Variants in RBM25 observed in about 807,000 individuals in gnomAD.
RBM25 encodes RNA-binding protein 25.
RBM25 carries 19 observed loss-of-function variants against 120.7 expected under a neutral mutation model. The observed-to-expected ratio is 0.16, with a 90% CI of 0.11 to 0.23. The LOEUF (loss-of-function observed/expected upper bound fraction) is 0.23, where lower values mean the gene tolerates loss of function less well. Among genes scored for constraint, RBM25 ranks in the 10% least tolerant of loss-of-function variants. The pLI is 1.00. For synonymous variants in RBM25, 390 were observed against 326.7 expected (o/e 1.19, Z -2.09); for missense variants, 605 against 1,041.5 (o/e 0.58, Z 5.77).
At chr14:73,114,994 CT>C (rs1896394563) in intron 18 of RBM25, among the ~76,000 whole-genome samples, 1 of 152,158 alleles carries the variant, frequency 6.6e-6, no homozygotes, top group African/African-American at 2.4e-5. Context: ...AACAAATGAC[CT>C]GTAGTAGCAG....
Position 73,111,017 on chromosome 14 carries a change from T to A in RBM25, c.1879T>A (p.Ser627Thr). Residue 627 changes from serine to threonine, a missense_variant, in exon 15 of 19, where the codon TCC (serine) becomes ACC (threonine). By Grantham distance (58) the Ser-to-Thr change is moderately conservative. Coordinates refer to ENST00000261973, the MANE Select transcript of RBM25 (RefSeq NM_021239.3). ...GCCCATCAGCTCTGCTCCATCTGTT[T>A]CCTCTGCCAGTGGCAATGCAACACC... ...LRPISSAPSV[S>T]SASGNATPNT... The A allele has an allele frequency of 6.2e-7, 1 of 1,614,176 alleles. No homozygotes were observed.
intron 18 of RBM25, 43 bp downstream of exon 18, chr14:73,114,376 A>G (rs1165971512): frequency 6.1e-6 from 9 of 1,469,434 alleles, no homozygotes; most frequent in South Asian, 2.6e-5. Context: ...TAATTTAAAA[A>G]AAGTTTTTGG....
intron 10 of RBM25, 45 bp from the exon 11 acceptor site, chr14:73,105,814 C>T: frequency 1.3e-6 from 2 of 1,584,096 alleles, no homozygotes; most frequent in Non-Finnish European, 1.7e-6. Context: ...GTCTTGAAAA[C>T]AGAAAGTAGA....
At chr14:73,104,821 T>TA (rs1896145735) in intron 10 of RBM25, among the ~76,000 whole-genome samples, 1 of 152,176 alleles carries the variant, frequency 6.6e-6, no homozygotes, top group Admixed American at 6.5e-5. Context: ...TGCAGTTTCT[T>TA]ACTTGATTAT....
chr14:73,075,944 C>T (rs2140430743), intron 2 of RBM25, among the ~76,000 whole-genome samples: 1 of 152,154 alleles, frequency 6.6e-6, no homozygotes, highest in East Asian at 1.9e-4. Flanking sequence ...CCGTGCCCAG[C>T]TGTTTTTACT....
chr14:73,113,376 T>C (rs1276312967), intron 17 of RBM25, among the ~76,000 whole-genome samples: 1 of 150,308 alleles, frequency 6.7e-6, no homozygotes, highest in Non-Finnish European at 1.5e-5. Flanking sequence ...GCGTGAGCCA[T>C]CACACCAGCC....
intron 1 of RBM25, among the ~76,000 whole-genome samples, chr14:73,065,277 C>T (rs955091783): frequency 6.6e-5 from 10 of 151,886 alleles, no homozygotes; most frequent in Non-Finnish European, 1.0e-4. Context: ...TACAGGCACC[C>T]GCCACCACAC....
At chr14:73,107,784 A>T in intron 12 of RBM25, 42 bp from the exon 13 acceptor site, 1 of 1,380,992 alleles carries the variant, frequency 7.2e-7, no homozygotes, top group Non-Finnish European at 1.0e-6. Context: ...AATCTTTATT[A>T]CTTGTATGTT....
At chr14:73,114,556 C>G (rs1190934822) in intron 18 of RBM25, among the ~76,000 whole-genome samples, 2 of 152,030 alleles carry the variant, frequency 1.3e-5, no homozygotes, top group Non-Finnish European at 2.9e-5. Context: ...TAATTAACAT[C>G]TATATAAACT....
At chr14:73,102,933 A>G in intron 9 of RBM25, 1 of 520,756 alleles carries the variant, frequency 1.9e-6, no homozygotes, top group East Asian at 3.7e-5. Flanking sequence ...ATAGTCATTG[A>G]GTGGCCAGCC....
At chr14:73,094,859 G>T (rs1222165519) in intron 6 of RBM25, among the ~76,000 whole-genome samples, 5 of 146,970 alleles carry the variant, frequency 3.4e-5, no homozygotes, top group South Asian at 2.2e-4. Flanking sequence ...GTGTGTGTGT[G>T]TTTTTGATGG....
intron 4 of RBM25, among the ~76,000 whole-genome samples, chr14:73,083,084 G>GA (rs1230844413): frequency 2.7e-5 from 4 of 150,522 alleles, no homozygotes; most frequent in African/African-American, 7.3e-5. Flanking sequence ...CGTCTCAAAA[G>GA]AAAAAAAAAT....
In RBM25 at chr14:73,120,300, C is replaced by T. The variant is rs988628311; in HGVS notation, c.*495C>T. Reference sequence around the variant, plus strand: ...AAATTGGAATGCAAAAATTAGCAGACAATCCATTCCTACTGTATTTCTGTA... The same window carrying T: ...AAATTGGAATGCAAAAATTAGCAGATAATCCATTCCTACTGTATTTCTGTA... On this transcript the variant is annotated 3_prime_UTR_variant, in exon 19 of 19. Transcript: ENST00000261973. 6.5e-6 allele frequency: 1 copy of T among 152,910 alleles called. No homozygotes were observed. The highest frequency in any genetic ancestry group is 2.4e-5 in the African/African-American group (1 of 41,464). The allele number at this position is 152,910 out of a possible 1,614,324, so 9.5% of individuals were successfully genotyped here.
chr14:73,084,386 AT>A (rs1188336572), intron 5 of RBM25, among the ~76,000 whole-genome samples: 1 of 152,054 alleles, frequency 6.6e-6, no homozygotes, highest in Non-Finnish European at 1.5e-5. Flanking sequence ...CTTGCAGTTT[AT>A]TTGTTGAAGA....
intron 12 of RBM25, 94 bp downstream of exon 12, chr14:73,106,379 C>T (rs1896188582): frequency 1.0e-6 from 1 of 987,522 alleles, no homozygotes; most frequent in Non-Finnish European, 1.4e-6. Flanking sequence ...TTGAAATGCA[C>T]AAGCTTCTCT....
chr14:73,085,200 G>T (rs750720783), intron 5 of RBM25, among the ~76,000 whole-genome samples: 1 of 151,586 alleles, frequency 6.6e-6, no homozygotes, highest in Non-Finnish European at 1.5e-5. Flanking sequence ...TGTACTTTTA[G>T]TAGAGACAGG....
chr14:73,079,283 C>T (rs1895501453), intron 4 of RBM25, among the ~76,000 whole-genome samples: 2 of 150,352 alleles, frequency 1.3e-5, no homozygotes, highest in African/African-American at 2.4e-5. Context: ...ATTAACCAGG[C>T]GTGGTTGTCG....
chr14:73,099,617 T>C (rs746097086), intron 8 of RBM25, 50 bp from the exon 9 acceptor site: 2 of 1,586,090 alleles, frequency 1.3e-6, no homozygotes, highest in Non-Finnish European at 1.7e-6. Context: ...CTGTTTATAT[T>C]GAAGTAGGGT....
chr14:73,060,397 A>G (rs1039801919), intron 1 of RBM25, among the ~76,000 whole-genome samples: 1 of 151,476 alleles, frequency 6.6e-6, no homozygotes, highest in African/African-American at 2.4e-5. Context: ...CTTCAGACCT[A>G]ACAGGAATTT....
Sources: allele counts gnomAD v4.1 joint callset (sites outside exome capture counted in the v4.1 genomes callset), GRCh38; gene constraint gnomAD v4.1.1; transcripts MANE v1.5; gene names NCBI Gene and HGNC (gene_info 2026-07-23, HGNC 2026-07-21).